The following CACNB2 variants were observed in gnomAD, a reference collection of about 807,000 sequenced individuals.
CACNB2 encodes the protein calcium voltage-gated channel auxiliary subunit beta 2.
In CACNB2, 42 loss-of-function variants were observed where a neutral mutation model predicts 73.3. That is an observed-to-expected ratio of 0.57 (90% confidence interval 0.45 to 0.74). The LOEUF is 0.74. Among genes scored for constraint, CACNB2 ranks in the 30% least tolerant of loss-of-function variants. The pLI is 0.00. For synonymous variants in CACNB2, 348 were observed against 310.3 expected, an observed-to-expected ratio of 1.12 and a Z score of -1.28; for missense variants, 940 against 853.0, an observed-to-expected ratio of 1.10 and a Z score of -1.27.
intron 2 of CACNB2, among the ~76,000 whole-genome samples, chr10:18,381,067 A>G (rs2042995507): frequency 6.6e-6 from 1 of 151,762 alleles, no homozygotes; most frequent in South Asian, 2.1e-4. Flanking sequence ...GAGAGAAAGT[A>G]GTGAGATGGA....
chr10:18,477,233 G>T (rs1459048204), intron 3 of CACNB2, among the ~76,000 whole-genome samples: 1 of 152,118 alleles, frequency 6.6e-6, no homozygotes, highest in Non-Finnish European at 1.5e-5. Flanking sequence ...ATAATAAACA[G>T]GGAAGACGAC....
At chr10:18,166,516 G>A (rs998717126) in intron 2 of CACNB2, among the ~76,000 whole-genome samples, 4 of 152,166 alleles carry the variant, frequency 2.6e-5, no homozygotes, top group African/African-American at 4.8e-5. Context: ...GTGAGCCACC[G>A]CACCTGGCCA....
At position 18,525,263 on chromosome 10, in the gene CACNB2, C is replaced by T. The variant is rs527829552; in HGVS notation, c.945-2325C>T. On this transcript the variant is annotated intron_variant, in intron 9 of 13. Coordinates refer to ENST00000324631, the MANE Select transcript of CACNB2 (RefSeq NM_201596.3). Reference sequence around the variant, plus strand: ...TTCACCTTTGTTTTGGGTTGAAGCTCCTGTTTCCCAGATCCCTTGATTTCT... The same window carrying T: ...TTCACCTTTGTTTTGGGTTGAAGCTTCTGTTTCCCAGATCCCTTGATTTCT... Among the ~76,000 whole-genome samples, 174 of 152,034 alleles carry T rather than the reference C, an allele frequency of 1.1e-3. 4 individuals are homozygous for T. In the South Asian group the frequency reaches 0.035, roughly 31 times the overall value.
intron 3 of CACNB2, among the ~76,000 whole-genome samples, chr10:18,477,041 C>G (rs1056645260): frequency 6.6e-5 from 10 of 151,378 alleles, no homozygotes; most frequent in African/African-American, 2.4e-4. Flanking sequence ...AAATACAGTT[C>G]TCATCTGCCA....
chr10:18,212,635 G>A (rs951364649), intron 2 of CACNB2, among the ~76,000 whole-genome samples: 2 of 152,096 alleles, frequency 1.3e-5, no homozygotes, highest in Non-Finnish European at 2.9e-5. Context: ...TATGAAGGAG[G>A]AATCTAATTT....
intron 3 of CACNB2, among the ~76,000 whole-genome samples, chr10:18,445,419 T>C (rs2046684511): frequency 6.6e-6 from 1 of 152,226 alleles, no homozygotes; most frequent in Non-Finnish European, 1.5e-5. Flanking sequence ...ATTACACACG[T>C]ACTGGCCATA....
chr10:18,359,391 C>G (rs2042055934), intron 2 of CACNB2, among the ~76,000 whole-genome samples: 1 of 152,122 alleles, frequency 6.6e-6, no homozygotes, highest in Non-Finnish European at 1.5e-5. Flanking sequence ...CCCACCTCAG[C>G]CTCCAGAGTA....
At chr10:18,157,995 A>G (rs1588573752) in intron 2 of CACNB2, among the ~76,000 whole-genome samples, 1 of 152,130 alleles carries the variant, frequency 6.6e-6, no homozygotes, top group Non-Finnish European at 1.5e-5. Context: ...ACTGTTTGGC[A>G]TCCTCCAGCA....
chr10:18,510,459 C>T (rs184803213), intron 6 of CACNB2, among the ~76,000 whole-genome samples: 6 of 152,286 alleles, frequency 3.9e-5, no homozygotes, highest in Non-Finnish European at 7.3e-5. Context: ...CCGGCCACCA[C>T]ACCTGGCTAA....
At chr10:18,438,697 T>C (rs2046271456) in intron 3 of CACNB2, among the ~76,000 whole-genome samples, 1 of 152,264 alleles carries the variant, frequency 6.6e-6, no homozygotes, top group African/African-American at 2.4e-5. Flanking sequence ...CGGATTTATA[T>C]AGAACGAAGG....
chr10:18,220,230 TATAG>T (rs1326824420), intron 2 of CACNB2, among the ~76,000 whole-genome samples: 427 of 34,408 alleles, frequency 0.012, no homozygotes, highest in Non-Finnish European at 0.014. Context: ...TATATATATA[TATAG>T]AGAGAGAGAG....
At chr10:18,489,839 T>C (rs1355689430) in intron 3 of CACNB2, among the ~76,000 whole-genome samples, 1 of 152,194 alleles carries the variant, frequency 6.6e-6, no homozygotes, top group Non-Finnish European at 1.5e-5. Context: ...ATTGGAAACA[T>C]ACTGGAGACA....
intron 2 of CACNB2, among the ~76,000 whole-genome samples, chr10:18,246,063 C>T (rs1374495277): frequency 6.6e-6 from 1 of 152,100 alleles, no homozygotes; most frequent in East Asian, 1.9e-4. Flanking sequence ...TGCAGTGACC[C>T]TCTTGATCTC....
At chr10:18,298,748 G>A (rs924262023) in intron 2 of CACNB2, among the ~76,000 whole-genome samples, 4 of 152,202 alleles carry the variant, frequency 2.6e-5, no homozygotes, top group Non-Finnish European at 4.4e-5. Context: ...CCTTCTTGTA[G>A]TTCAACTGCA....
rs1169981595 is a variant in CACNB2 at position 18,542,401 on chromosome 10, TTTGTC to T, written c.*2678_*2682del. On this transcript the variant is annotated 3_prime_UTR_variant, in exon 14 of 14. Transcript: ENST00000324631. ...TTTATAAAATATTTCTGATAAAACT[TTTGTC>T]ATGGTAAGAGATTCACAATTATTAG... 1 of 152,308 alleles carries T rather than the reference TTTGTC, an allele frequency of 6.6e-6. No individual in the cohort carries two copies. The highest frequency in any genetic ancestry group is 1.9e-4 in the East Asian group (1 of 5,190). 9.4% of individuals were successfully genotyped at this position (152,308 alleles called of 1,614,324 possible). A position where few individuals can be genotyped will look rare whatever the true frequency, so the allele number is the denominator to read the frequency against.
intron 1 of CACNB2, chr10:18,141,252 C>A: frequency 7.0e-7 from 1 of 1,424,436 alleles, no homozygotes; most frequent in African/African-American, 1.4e-5. Context: ...CCGCTTCCCG[C>A]AGCGCTTTCT....
At chr10:18,293,134 A>C (rs1564410786) in intron 2 of CACNB2, among the ~76,000 whole-genome samples, 1 of 152,212 alleles carries the variant, frequency 6.6e-6, no homozygotes, top group African/African-American at 2.4e-5. Context: ...AGAGTACTTA[A>C]TTAAAAGAGG....
chr10:18,149,960 G>A (rs1202971476), intron 1 of CACNB2, among the ~76,000 whole-genome samples: 1 of 152,156 alleles, frequency 6.6e-6, no homozygotes, highest in Non-Finnish European at 1.5e-5. Flanking sequence ...AAGATGAAAA[G>A]ATTGATGCTT....
rs2053996313 is a variant in CACNB2, at chr10:18,540,285, G to GTT, written c.*563_*564dup. On this transcript the variant is annotated 3_prime_UTR_variant, in exon 14 of 14. Coordinates refer to ENST00000324631, the MANE Select transcript of CACNB2 (RefSeq NM_201596.3). The stretch of plus-strand genomic sequence containing the variant: ...ACTAGTACTGTGTACTGTATAGACA[G>GTT]TTTGTAAATGTTATTTCTGCAAACA... The GTT allele has an allele frequency of 6.9e-6, 1 of 144,208 alleles. No homozygotes were observed. The highest frequency in any genetic ancestry group is 1.5e-5 in the Non-Finnish European group (1 of 65,282). 8.9% of individuals were successfully genotyped at this position (144,208 alleles called of 1,614,324 possible). A position where few individuals can be genotyped will look rare whatever the true frequency, so the allele number is the denominator to read the frequency against.
Sources: allele counts gnomAD v4.1 joint callset (sites outside exome capture counted in the v4.1 genomes callset), GRCh38; gene constraint gnomAD v4.1.1; transcripts MANE v1.5; gene names NCBI Gene and HGNC (gene_info 2026-07-23, HGNC 2026-07-21).